The following BLACAT1 variants were observed in gnomAD, a reference collection of about 807,000 sequenced individuals.
BLACAT1 encodes the protein BLACAT1 overlapping LEMD1 locus, also known as bladder cancer associated transcript 1.
downstream of BLACAT1, among the ~76,000 whole-genome samples, chr1:205,438,057 C>A (rs1280567390): frequency 6.6e-6 from 1 of 152,184 alleles, no homozygotes; most frequent in South Asian, 2.1e-4. Flanking sequence ...ACAAGAAGCC[C>A]CTTGGGTCCT....
Position 205,450,106 on chromosome 1 carries a change from G to A in BLACAT1, c.-37+5811C>T, listed in dbSNP as rs934130752. Among the ~76,000 whole-genome samples the A allele has an allele frequency of 9.2e-5, 14 of 151,736 alleles. No homozygotes were observed. In the East Asian group the frequency reaches 1.4e-3, roughly 15 times the overall value. ...CCTCCCCCAGCCCTGAGGACGGTGG[G>A]GGTGGGGGTGGGGGCGGGCTGGGCA... On this transcript the variant is annotated intron_variant, in intron 1 of 1. Transcript: ENST00000629624. This position sits in a 1 kb window ranked among gnomAD's most constrained non-coding sequence, Gnocchi z 4.4.
chr1:205,451,554 G>A (rs1002771298), intron 1 of BLACAT1, among the ~76,000 whole-genome samples: 1 of 152,132 alleles, frequency 6.6e-6, no homozygotes, highest in Non-Finnish European at 1.5e-5. Flanking sequence ...AGGAGTTGGG[G>A]GGAGTGGTCG....
In BLACAT1 at chr1:205,441,097, G is replaced by A. The variant is rs991592795; in HGVS notation, c.-36-35C>T. On this transcript the variant is annotated intron_variant, in intron 1 of 1. Transcript: ENST00000629624. The surrounding 1 kb of genome is among the most constrained non-coding windows in gnomAD (Gnocchi z 4.3). ...AAGGCAGGGGAGGGAGAGGGGGCAGGAGAAAGGCAGGAAGAGAGAAGCAAG... is the reference window on the plus strand; with the variant it reads ...AAGGCAGGGGAGGGAGAGGGGGCAGAAGAAAGGCAGGAAGAGAGAAGCAAG... The A allele has an allele frequency of 1.3e-5, 2 of 152,938 alleles. No individual in the cohort carries two copies. The highest frequency in any genetic ancestry group is 2.9e-5 in the Non-Finnish European group (2 of 68,454). 9.5% of individuals were successfully genotyped at this position (152,938 alleles called of 1,614,324 possible).
At chr1:205,447,907 G>C (rs992447917) in intron 1 of BLACAT1, among the ~76,000 whole-genome samples, 2 of 152,222 alleles carry the variant, frequency 1.3e-5, no homozygotes. Flanking sequence ...AGAGAAAGGA[G>C]TGAAGGAGTG....
chr1:205,454,560 G>C (rs1195376865), intron 1 of BLACAT1, among the ~76,000 whole-genome samples: 4 of 151,922 alleles, frequency 2.6e-5, no homozygotes, highest in Non-Finnish European at 4.4e-5. Context: ...GAGAGAGAGA[G>C]AGAGAGATCC....
At chr1:205,444,751 A>G (rs1024143974) in intron 1 of BLACAT1, among the ~76,000 whole-genome samples, 2 of 152,088 alleles carry the variant, frequency 1.3e-5, no homozygotes, top group African/African-American at 2.4e-5. Context: ...CTAGGAAGCT[A>G]TTTAAAAGTG....
rs372821033 is a variant in BLACAT1 at position 205,446,843 on chromosome 1, G to C, written c.-36-5781C>G. On this transcript the variant is annotated intron_variant, in intron 1 of 1. Coordinates refer to ENST00000629624, the Ensembl canonical transcript of BLACAT1. ...TTGTTCCTTTCACCATCTAAGCTGGGGCAGGAGGGGAAGTAGCCTGGATCA... is the reference window on the plus strand; with the variant it reads ...TTGTTCCTTTCACCATCTAAGCTGGCGCAGGAGGGGAAGTAGCCTGGATCA... Among the ~76,000 whole-genome samples, 14 of 152,184 alleles carry C rather than the reference G, an allele frequency of 9.2e-5. No homozygotes were observed. The South Asian group carries it at 2.9e-3, about 31-fold the overall frequency.
chr1:205,440,447 C>T (rs552856984), exon 2 of BLACAT1, among the ~76,000 whole-genome samples: 1 of 152,328 alleles, frequency 6.6e-6, no homozygotes, highest in South Asian at 2.1e-4. Context: ...CCAGGAGAGT[C>T]TCACACTTCC....
intron 1 of BLACAT1, among the ~76,000 whole-genome samples, chr1:205,444,507 G>A (rs963720682): frequency 2.0e-5 from 3 of 152,062 alleles, no homozygotes; most frequent in Non-Finnish European, 2.9e-5. Flanking sequence ...ACATCTCTCT[G>A]TGCCAGATAC....
At chr1:205,452,648 T>C (rs1340974763) in intron 1 of BLACAT1, among the ~76,000 whole-genome samples, 2 of 152,244 alleles carry the variant, frequency 1.3e-5, no homozygotes, top group African/African-American at 2.4e-5. Context: ...CAAAATTTCA[T>C]GAGTCTACGT....
chr1:205,449,193 G>A (rs1221055599), intron 1 of BLACAT1, among the ~76,000 whole-genome samples: 3 of 152,212 alleles, frequency 2.0e-5, no homozygotes, highest in African/African-American at 7.2e-5. Context: ...GACATCTCTA[G>A]GACTGGATTG....
downstream of BLACAT1, chr1:205,437,727 T>G (rs1170630932): frequency 6.6e-6 from 1 of 152,178 alleles, no homozygotes; most frequent in Non-Finnish European, 1.5e-5. Context: ...AAAGGAGACT[T>G]AAGAGGAAAT....
At chr1:205,438,186 G>A (rs1009717420), downstream of BLACAT1, among the ~76,000 whole-genome samples, 12 of 152,286 alleles carry the variant, frequency 7.9e-5, no homozygotes, top group African/African-American at 2.4e-4. Context: ...GGAAGTCCTC[G>A]CTTTACAGAT....
rs564888938 is a variant in BLACAT1, at chr1:205,451,314, C to T, written c.-37+4603G>A. 1.6e-4 allele frequency among the ~76,000 whole-genome samples: 25 copies of T among 152,310 alleles called. No individual in the cohort carries two copies. In the South Asian group the frequency reaches 2.1e-3, roughly 13 times the overall value. ...CATCCCCCACACCTACCACCAGTGG[C>T]CTCCTCTCCACTTCAGGAGTTTCCA... On this transcript the variant is annotated intron_variant, in intron 1 of 1. Coordinates refer to ENST00000629624, the Ensembl canonical transcript of BLACAT1.
At chr1:205,444,474 T>A (rs1376413108) in intron 1 of BLACAT1, among the ~76,000 whole-genome samples, 1 of 151,638 alleles carries the variant, frequency 6.6e-6, no homozygotes, top group East Asian at 1.9e-4. Flanking sequence ...TCCCTGCTGA[T>A]CCTTTCCCTT....
chr1:205,443,166 A>T (rs1383083215), intron 1 of BLACAT1, among the ~76,000 whole-genome samples: 1 of 152,150 alleles, frequency 6.6e-6, no homozygotes, highest in Non-Finnish European at 1.5e-5. Context: ...TGAAAAATAC[A>T]TGGGGAGAAA....
chr1:205,435,715 GT>G (rs1285073666), downstream of BLACAT1: 3 of 152,202 alleles, frequency 2.0e-5, no homozygotes, highest in African/African-American at 7.2e-5. Flanking sequence ...TGTCATACCT[GT>G]GTAGGAAAAA....
downstream of BLACAT1, among the ~76,000 whole-genome samples, chr1:205,438,887 C>T (rs75402516): frequency 0.044 from 6,672 of 152,282 alleles, 182 homozygotes; most frequent in East Asian, 0.071. Context: ...CCTGCCAAGG[C>T]CTGAGAGGCG....
At chr1:205,444,344 T>A (rs974190300) in intron 1 of BLACAT1, among the ~76,000 whole-genome samples, 1 of 151,952 alleles carries the variant, frequency 6.6e-6, no homozygotes, top group Non-Finnish European at 1.5e-5. Flanking sequence ...AGGTCCAAGA[T>A]GGTTTACGGT....
Sources: allele counts gnomAD v4.1 joint callset (sites outside exome capture counted in the v4.1 genomes callset), GRCh38; gene constraint gnomAD v4.1.1; non-coding constraint Gnocchi (gnomAD v3.1); transcripts MANE v1.5; gene names NCBI Gene and HGNC (gene_info 2026-07-23, HGNC 2026-07-21).